The following PPP4R1 variants were observed in gnomAD, a reference collection of about 807,000 sequenced individuals.
The protein encoded by PPP4R1 is protein phosphatase 4 regulatory subunit 1.
A neutral mutation model predicts 111.2 loss-of-function variants in PPP4R1; 42 were observed. The ratio of observed to expected loss-of-function variants is 0.38; its 90% CI spans 0.29 to 0.49. The LOEUF (loss-of-function observed/expected upper bound fraction) is 0.49. PPP4R1 is among the 20% of genes least tolerant of loss of function. The pLI is 0.97. For synonymous variants in PPP4R1, 409 were observed against 405.5 expected, an observed-to-expected ratio of 1.01 and a Z score of -0.10; for missense variants, 1,012 against 1,161.6, an observed-to-expected ratio of 0.87 and a Z score of 1.87.
intron 6 of PPP4R1, 110 bp from the exon 7 acceptor site, chr18:9,584,938 T>G (rs2067092215): frequency 1.2e-6 from 1 of 839,118 alleles, no homozygotes; most frequent in Non-Finnish European, 1.9e-6. Flanking sequence ...TGATATGGCA[T>G]CATTATACTA....
At chr18:9,608,337 G>A (rs1466804564) in intron 2 of PPP4R1, among the ~76,000 whole-genome samples, 1 of 152,166 alleles carries the variant, frequency 6.6e-6, no homozygotes, top group Admixed American at 6.5e-5. Context: ...GGCTTACCAA[G>A]CCCAGTGTTC....
At chr18:9,562,671 A>C (rs2066697618) in intron 12 of PPP4R1, among the ~76,000 whole-genome samples, 1 of 152,224 alleles carries the variant, frequency 6.6e-6, no homozygotes, top group South Asian at 2.1e-4. Context: ...TAAAGCTCTA[A>C]GAACCCTCCT....
chr18:9,608,613 T>C (rs2067525026), intron 2 of PPP4R1, among the ~76,000 whole-genome samples: 1 of 152,190 alleles, frequency 6.6e-6, no homozygotes, highest in African/African-American at 2.4e-5. Context: ...TTAGAGGGAA[T>C]ACCTCCTCAG....
chr18:9,584,475 T>TA, intron 8 of PPP4R1, 40 bp downstream of exon 8: 3 of 1,552,496 alleles, frequency 1.9e-6, no homozygotes, highest in Non-Finnish European at 1.8e-6. Flanking sequence ...TACTACTTTG[T>TA]AACACACACT....
At chr18:9,598,882 T>TG (rs2067333829) in intron 2 of PPP4R1, among the ~76,000 whole-genome samples, 1 of 151,862 alleles carries the variant, frequency 6.6e-6, no homozygotes, top group African/African-American at 2.4e-5. Context: ...AAAAATTAGC[T>TG]GGGCATGGTG....
intron 2 of PPP4R1, among the ~76,000 whole-genome samples, chr18:9,604,021 GTAT>G (rs2145320463): frequency 6.6e-6 from 1 of 152,100 alleles, no homozygotes; most frequent in South Asian, 2.1e-4. Flanking sequence ...TGAATAGTGG[GTAT>G]CCAAGTGCTA....
intron 12 of PPP4R1, among the ~76,000 whole-genome samples, chr18:9,562,340 A>G (rs908426966): frequency 2.2e-4 from 33 of 152,342 alleles, no homozygotes; most frequent in Admixed American, 2.0e-3. Flanking sequence ...GAAATGGTCC[A>G]AACAGCTCAA....
intron 2 of PPP4R1, among the ~76,000 whole-genome samples, chr18:9,601,400 C>T (rs1004222145): frequency 6.6e-6 from 1 of 151,900 alleles, no homozygotes; most frequent in East Asian, 1.9e-4. Context: ...GTGGTACGTG[C>T]CTGAAATTCC....
At chr18:9,569,220 G>A (rs1272787720) in intron 11 of PPP4R1, among the ~76,000 whole-genome samples, 1 of 150,674 alleles carries the variant, frequency 6.6e-6, no homozygotes, top group African/African-American at 2.4e-5. Context: ...GAAGAAAACC[G>A]GAGTCATTGA....
In PPP4R1 at chr18:9,547,660, C is replaced by G. The variant is rs545103595; in HGVS notation, c.*129G>C. ...TGGTATTGGGTGTAGGCAACTTGCA[C>G]CTGCAATGAAGTCCGCAGGAGAGGA... On this transcript the variant is annotated 3_prime_UTR_variant, in exon 20 of 20. Coordinates refer to ENST00000400556, the MANE Select transcript of PPP4R1 (RefSeq NM_001042388.3). 3.3e-4 allele frequency: 380 copies of G among 1,146,600 alleles called. 7 individuals carry two copies. The South Asian group carries it at 5.3e-3, about 16-fold the overall frequency. The allele number at this position is 1,146,600 out of a possible 1,614,324, so 71.0% of individuals were successfully genotyped here.
At chr18:9,576,691 AC>A (rs2066940519) in intron 10 of PPP4R1, among the ~76,000 whole-genome samples, 1 of 152,190 alleles carries the variant, frequency 6.6e-6, no homozygotes, top group African/African-American at 2.4e-5. Flanking sequence ...ATTTAAAAAA[AC>A]CCAAATACTA....
intron 9 of PPP4R1, among the ~76,000 whole-genome samples, chr18:9,579,163 C>A (rs2066985646): frequency 6.6e-6 from 1 of 152,204 alleles, no homozygotes. Context: ...AACTCTCCAA[C>A]ACATCCCACT....
rs1365085391 is a variant in PPP4R1, at chr18:9,614,078, C to G, written c.52+148G>C. ...GTTTCCTCACGGACGCGAGATTTTC[C>G]CCCCCGATCGCCACCCCAGCCCGCC... On this transcript the variant is annotated intron_variant, in intron 2 of 19. Coordinates refer to ENST00000400556, the MANE Select transcript of PPP4R1 (RefSeq NM_001042388.3). The surrounding 1 kb of genome is among the most constrained non-coding windows in gnomAD (Gnocchi z 4.1). 36 of 596,212 alleles carry G rather than the reference C, an allele frequency of 6.0e-5. No individual in the cohort carries two copies. The highest frequency in any genetic ancestry group is 5.6e-5 in the Non-Finnish European group (24 of 429,070). The allele number at this position is 596,212 out of a possible 1,614,324, so 36.9% of individuals were successfully genotyped here. A position where few individuals can be genotyped will look rare whatever the true frequency, so the allele number is the denominator to read the frequency against.
At chr18:9,549,136 A>T in intron 19 of PPP4R1, 61 bp downstream of exon 19, 2 of 1,561,354 alleles carry the variant, frequency 1.3e-6, no homozygotes, top group African/African-American at 2.7e-5. Flanking sequence ...CTGCTGATCC[A>T]GTGCAGTCCA....
chr18:9,606,892 T>A (rs1167770860), intron 2 of PPP4R1, among the ~76,000 whole-genome samples: 1 of 152,220 alleles, frequency 6.6e-6, no homozygotes, highest in Non-Finnish European at 1.5e-5. Flanking sequence ...GTAAAAATTT[T>A]CTTTGCACTC....
chr18:9,580,506 C>T (rs866717582), intron 9 of PPP4R1, among the ~76,000 whole-genome samples: 10 of 152,232 alleles, frequency 6.6e-5, no homozygotes, highest in Middle Eastern at 6.8e-3. Context: ...CCCGCCACCA[C>T]ACCCGGCTAA....
Position 9,562,057 on chromosome 18 carries a change from G to T in PPP4R1, c.1765C>A (p.His589Asn). The part of the protein sequence containing the change: ...DAVENMDSTL[H>N]YIHSDSDLSN... ...AAGTCTGAATCGCTGTGAATATAGT[G>T]AAGAGTGGAGTCCATATTCTGTTAG... Residue 589 changes from histidine to asparagine, a missense_variant, in exon 13 of 20, where the codon CAC becomes AAC. Physicochemically the swap from His to Asn is moderately conservative, Grantham distance 68. Around this residue, in one of 2 missense-constraint regions of PPP4R1, gnomAD observed 707 missense variants for 742.1 expected, o/e 0.95. Coordinates refer to ENST00000400556, the MANE Select transcript of PPP4R1 (RefSeq NM_001042388.3). 5.6e-6 allele frequency: 9 copies of T among 1,611,358 alleles called. No individual in the cohort carries two copies. The highest frequency in any genetic ancestry group is 7.6e-6 in the Non-Finnish European group (9 of 1,177,754).
chr18:9,596,433 T>C (rs1012397016), intron 2 of PPP4R1, among the ~76,000 whole-genome samples: 3 of 152,212 alleles, frequency 2.0e-5, no homozygotes, highest in African/African-American at 7.2e-5. Context: ...TACGTATTAG[T>C]TGTTTTACTT....
At chr18:9,590,912 G>A (rs985246840) in intron 4 of PPP4R1, among the ~76,000 whole-genome samples, 5 of 152,108 alleles carry the variant, frequency 3.3e-5, no homozygotes, top group Admixed American at 6.5e-5. Flanking sequence ...GAAGCATCAC[G>A]GAGTGCAAAG....
Sources: allele counts gnomAD v4.1 joint callset (sites outside exome capture counted in the v4.1 genomes callset), GRCh38; gene constraint gnomAD v4.1.1; regional missense constraint gnomAD v4.1.1; non-coding constraint Gnocchi (gnomAD v3.1); transcripts MANE v1.5; gene names NCBI Gene and HGNC (gene_info 2026-07-23, HGNC 2026-07-21).